Variants in KCTD14 observed in about 807,000 individuals in gnomAD.
The protein encoded by KCTD14 is BTB/POZ domain-containing protein KCTD14.
KCTD14 carries 7 observed loss-of-function variants against 5.9 expected under a neutral mutation model. That is an observed-to-expected ratio of 1.19 (90% CI 0.68 to 2.23). The LOEUF is 2.23. KCTD14 is among the 30% of genes most tolerant of loss of function. The pLI is 0.00. For missense variants in KCTD14, 342 were observed against 332.2 expected, an observed-to-expected ratio of 1.03 and a Z score of -0.23; for synonymous variants, 140 against 133.1, an observed-to-expected ratio of 1.05 and a Z score of -0.36.
chr11:78,031,022 G>A (rs1857596491), intron 2 of KCTD14, among the ~76,000 whole-genome samples: 1 of 150,792 alleles, frequency 6.6e-6, no homozygotes, highest in African/African-American at 2.4e-5. Context: ...TGACTCTTCA[G>A]AATAACGCTG....
upstream of KCTD14, chr11:78,023,677 C>T (rs1433725753): frequency 1.8e-5 from 3 of 162,674 alleles, no homozygotes; most frequent in Non-Finnish European, 4.0e-5. Flanking sequence ...GGCAACTTGC[C>T]TCTTCCTATA....
chr11:78,017,378 T>C (rs1202150143), intron 1 of KCTD14, 108 bp from the exon 2 acceptor site: 1 of 1,367,250 alleles, frequency 7.3e-7, no homozygotes. Flanking sequence ...GCCATAATGA[T>C]TGGCTTCAGC....
chr11:78,022,814 G>T (rs1857340221), intron 1 of KCTD14: 3 of 234,874 alleles, frequency 1.3e-5, no homozygotes, highest in South Asian at 1.1e-4. Context: ...CAAGGGAGAA[G>T]GTGGGGCAGA....
chr11:78,041,238 G>A (rs967481568), intron 1 of KCTD14, among the ~76,000 whole-genome samples: 1 of 152,126 alleles, frequency 6.6e-6, no homozygotes, highest in Non-Finnish European at 1.5e-5. Flanking sequence ...GTTGCTGCAG[G>A]GAGCAAACCT....
intron 2 of KCTD14, among the ~76,000 whole-genome samples, chr11:78,038,500 C>T (rs1857885042): frequency 6.6e-6 from 1 of 152,224 alleles, no homozygotes; most frequent in Non-Finnish European, 1.5e-5. Context: ...ACTTGTCCTC[C>T]TTGGGTTCCT....
upstream of KCTD14, among the ~76,000 whole-genome samples, chr11:78,026,446 AAAAAG>A (rs141028052): frequency 0.18 from 27,104 of 151,376 alleles, 2,854 homozygotes; most frequent in Admixed American, 0.31. Flanking sequence ...CCATCTCAAA[AAAAAG>A]AAAAGAAAAG....
chr11:78,037,991 CAAA>C (rs3083632), intron 2 of KCTD14, among the ~76,000 whole-genome samples: 154 of 136,550 alleles, frequency 1.1e-3, no homozygotes, highest in Non-Finnish European at 1.0e-3. Context: ...AAAAGTTGAC[CAAA>C]AAAAAAAAAA....
intron 1 of KCTD14, among the ~76,000 whole-genome samples, chr11:78,021,399 T>A: frequency 6.6e-6 from 1 of 151,464 alleles, no homozygotes; most frequent in African/African-American, 2.4e-5. Context: ...CCTAAGCTTC[T>A]TTTTGTTTTT....
At chr11:78,024,256 G>A (rs1392198594), upstream of KCTD14, among the ~76,000 whole-genome samples, 2 of 151,710 alleles carry the variant, frequency 1.3e-5, no homozygotes, top group African/African-American at 2.4e-5. Flanking sequence ...GTGATGGCAT[G>A]TGCCTGTAAT....
At chr11:78,041,428 T>C (rs771967951) in intron 1 of KCTD14, among the ~76,000 whole-genome samples, 1 of 152,186 alleles carries the variant, frequency 6.6e-6, no homozygotes, top group Admixed American at 6.5e-5. Flanking sequence ...TTAGCTCACA[T>C]GGGACCAATC....
In KCTD14 at chr11:78,016,599, C is replaced by G; in HGVS notation, c.762G>C (p.Trp254Cys). Residue 254 changes from tryptophan to cysteine, a missense_variant, in exon 2 of 2, where the codon TGG (tryptophan) becomes TGC (cysteine). Coordinates refer to ENST00000353172, the MANE Select transcript of KCTD14 (RefSeq NM_023930.4). ...HFNIYSFTFTWW is the reference protein window; with the variant it reads ...HFNIYSFTFTCW ...CAGTCTCTGCTCCTGAGGATCACCA[C>G]CAGGTGAAGGTGAATGAATAAATGT... The G allele has an allele frequency of 6.2e-7, 1 of 1,611,510 alleles. No homozygotes were observed. Among genetic ancestry groups the G allele is most frequent in the Non-Finnish European group, 8.5e-7 (1 of 1,177,790 alleles).
At chr11:78,019,134 G>A (rs371299769) in intron 1 of KCTD14, among the ~76,000 whole-genome samples, 7 of 150,406 alleles carry the variant, frequency 4.7e-5, no homozygotes, top group East Asian at 2.0e-4. Context: ...AGCGATTATC[G>A]TGCCTCAGCC....
chr11:78,028,120 G>A, upstream of KCTD14, among the ~76,000 whole-genome samples: 1 of 152,172 alleles, frequency 6.6e-6, no homozygotes, highest in South Asian at 2.1e-4. Context: ...TTATAGTACC[G>A]AGTATATACC....
At chr11:78,024,360 G>A (rs1356781398), upstream of KCTD14, among the ~76,000 whole-genome samples, 2 of 137,580 alleles carry the variant, frequency 1.5e-5, no homozygotes, top group African/African-American at 5.6e-5. Context: ...ACTCCAGCCT[G>A]GGCAACAAAG....
intron 1 of KCTD14, among the ~76,000 whole-genome samples, chr11:78,021,297 C>CAAAAA (rs531185817): frequency 3.5e-5 from 3 of 85,188 alleles, no homozygotes; most frequent in Non-Finnish European, 6.8e-5. Flanking sequence ...GACCCTGTCT[C>CAAAAA]AAAAAAAAAA....
rs1241297360 is a variant in KCTD14, at chr11:78,035,545, TA to T, written c.-1+3118del. 3.3e-5 allele frequency among the ~76,000 whole-genome samples: 5 copies of T among 152,028 alleles called. No individual in the cohort carries two copies. In the East Asian group the frequency reaches 9.7e-4, roughly 29 times the overall value. On this transcript the variant is annotated intron_variant, in intron 2 of 2. Transcript: ENST00000533144. Reference sequence around the variant, plus strand: ...CAAACCCTGCCAAAGGGACTCTTTGTAAAGAGTCGCTTTATGGGCCAGGCGC... The same window carrying T: ...CAAACCCTGCCAAAGGGACTCTTTGTAAGAGTCGCTTTATGGGCCAGGCGC...
rs141449982 is a variant in KCTD14 at position 78,044,533 on chromosome 11, G to A, written c.-96+1528C>T. Among the ~76,000 whole-genome samples the A allele has an allele frequency of 4.5e-3, 687 of 152,222 alleles. 3 individuals are homozygous for A. Among genetic ancestry groups the A allele is most frequent in the African/African-American group, 0.016 (662 of 41,512 alleles). ...GACAAAACCAATTCACTGAGACCAC[G>A]CAGCATTGTAATAAAGATATAGTTT... is the stretch of plus-strand genomic sequence containing the variant. On this transcript the variant is annotated intron_variant, in intron 1 of 2. Transcript: ENST00000533144.
In KCTD14 at chr11:78,038,674, G is replaced by C. The variant is rs775908411; in HGVS notation, c.-11C>G. 7.8e-6 allele frequency: 12 copies of C among 1,535,744 alleles called. 1 individual carries two copies. The South Asian group carries it at 1.2e-4, about 15-fold the overall frequency. Reference sequence around the variant, plus strand: ...GGGTGACCTGCATACCTAATGGGTGGTGGCAGCAGAACTCCCCACAGCAAA... The same window carrying C: ...GGGTGACCTGCATACCTAATGGGTGCTGGCAGCAGAACTCCCCACAGCAAA... On this transcript the variant is annotated 5_prime_UTR_variant, in exon 2 of 3. Coordinates refer to the KCTD14 transcript ENST00000533144.
In KCTD14 at chr11:78,017,045, C is replaced by G. The variant is rs762927190; in HGVS notation, c.316G>C (p.Val106Leu). The G allele has an allele frequency of 2.5e-6, 4 of 1,614,272 alleles. No homozygotes were observed. Among genetic ancestry groups the G allele is most frequent in the Non-Finnish European group, 3.4e-6 (4 of 1,180,052 alleles). ...GQVPTQHIPE[V>L]YREAQFYEIK... ...TCGTAGAACTGAGCCTCACGGTACA[C>G]TTCAGGGATGTGCTGTGTGGGCACT... Residue 106 changes from valine to leucine, a missense_variant, in exon 2 of 2, where the codon GTG becomes CTG. Transcript: ENST00000353172.
Sources: allele counts gnomAD v4.1 joint callset (sites outside exome capture counted in the v4.1 genomes callset), GRCh38; gene constraint gnomAD v4.1.1; transcripts MANE v1.5; gene names NCBI Gene and HGNC (gene_info 2026-07-23, HGNC 2026-07-21).